Variants in ELP3 observed in about 807,000 individuals in gnomAD.
ELP3 encodes the protein elongator acetyltransferase complex subunit 3.
In ELP3, 56 loss-of-function variants were observed where a neutral mutation model predicts 74.9. That is an observed-to-expected ratio of 0.75 (90% CI 0.60 to 0.93). ELP3 has a LOEUF of 0.93. Among genes scored for constraint, ELP3 ranks in the 40% least tolerant of loss-of-function variants. The pLI is 0.00. For synonymous variants in ELP3, 222 were observed against 239.8 expected, an observed-to-expected ratio of 0.93 and a Z score of 0.68; for missense variants, 573 against 686.5, an observed-to-expected ratio of 0.83 and a Z score of 1.85.
chr8:28,172,285 A>G lies in ELP3; in HGVS notation c.1567+10207A>G, dbSNP rs1162569489. Among the ~76,000 whole-genome samples the G allele has an allele frequency of 3.9e-5, 6 of 152,112 alleles. 1 individual carries two copies. The highest frequency in any genetic ancestry group is 3.3e-4 in the Admixed American group (5 of 15,270). On this transcript the variant is annotated intron_variant, in intron 14 of 14. Transcript: ENST00000256398. Reference sequence around the variant, plus strand: ...GTTAAGTCTTCCAGGCCATGAACACAGGATATCCTTCCATTTATTTAGTCT... The same window carrying G: ...GTTAAGTCTTCCAGGCCATGAACACGGGATATCCTTCCATTTATTTAGTCT...
chr8:28,158,372 A>G (rs1813924464), intron 11 of ELP3, among the ~76,000 whole-genome samples, 196 bp from the exon 12 acceptor site: 1 of 152,170 alleles, frequency 6.6e-6, no homozygotes, highest in South Asian at 2.1e-4. Flanking sequence ...TGGTTTCCCC[A>G]TCCTCAGATT....
intron 7 of ELP3, among the ~76,000 whole-genome samples, chr8:28,118,229 AAT>A: frequency 6.6e-6 from 1 of 152,150 alleles, no homozygotes. Context: ...ATTTAAGGTT[AAT>A]AGTCTGTTCA....
At chr8:28,104,195 T>C (rs1811598411) in intron 3 of ELP3, among the ~76,000 whole-genome samples, 1 of 152,248 alleles carries the variant, frequency 6.6e-6, no homozygotes, top group Admixed American at 6.5e-5. Flanking sequence ...CTGTTCTTAA[T>C]TGGGTGTTTT....
At chr8:28,137,669 A>G in intron 9 of ELP3, 29 bp from the exon 10 acceptor site, 3 of 1,603,818 alleles carry the variant, frequency 1.9e-6, no homozygotes, top group Non-Finnish European at 2.6e-6. Flanking sequence ...TAACTAATGG[A>G]GAAGTCATTT....
chr8:28,121,971 T>G (rs1812391510), intron 7 of ELP3, among the ~76,000 whole-genome samples: 11 of 152,148 alleles, frequency 7.2e-5, no homozygotes, highest in Admixed American at 7.2e-4. Context: ...TGCCTGTGGG[T>G]TTTTTATAGT....
At chr8:28,173,553 A>ATT (rs144556242) in intron 14 of ELP3, among the ~76,000 whole-genome samples, 23 of 146,154 alleles carry the variant, frequency 1.6e-4, no homozygotes, top group Admixed American at 6.7e-4. Flanking sequence ...TTTGATTTTG[A>ATT]TTTTTTTTTT....
intron 9 of ELP3, among the ~76,000 whole-genome samples, chr8:28,136,606 A>G (rs752592952): frequency 4.6e-5 from 7 of 152,246 alleles, no homozygotes; most frequent in Non-Finnish European, 1.0e-4. Flanking sequence ...TAAAGAATAC[A>G]GCATTTAAGA....
intron 3 of ELP3, among the ~76,000 whole-genome samples, chr8:28,105,585 G>A (rs957145536): frequency 5.3e-5 from 8 of 152,156 alleles, no homozygotes; most frequent in Non-Finnish European, 7.3e-5. Flanking sequence ...TGGACCAAGC[G>A]AGGACATATA....
chr8:28,149,395 T>G (rs1813557467), intron 10 of ELP3, among the ~76,000 whole-genome samples: 1 of 152,242 alleles, frequency 6.6e-6, no homozygotes, highest in African/African-American at 2.4e-5. Context: ...TTTCTTCTTG[T>G]GAGTTTTGGC....
intron 7 of ELP3, among the ~76,000 whole-genome samples, chr8:28,127,232 T>A (rs1812611575): frequency 6.6e-6 from 1 of 152,146 alleles, no homozygotes; most frequent in African/African-American, 2.4e-5. Context: ...CCTTTGACAC[T>A]CTGCAATAGG....
Position 28,145,409 on chromosome 8 carries a change from A to C in ELP3, c.1100+7518A>C, listed in dbSNP as rs184197134. Among the ~76,000 whole-genome samples, 11 of 152,360 alleles carry C rather than the reference A, an allele frequency of 7.2e-5. No homozygotes were observed. In the East Asian group the frequency reaches 2.1e-3, roughly 29 times the overall value. On this transcript the variant is annotated intron_variant, in intron 10 of 14. Transcript: ENST00000256398. ...CAAAGGAGAAAAGTCTCCTTCCAGG[A>C]TATTTAGTCCAGATGATTTTTAATA... is the stretch of plus-strand genomic sequence containing the variant.
intron 3 of ELP3, 129 bp downstream of exon 3, chr8:28,100,095 G>A: frequency 1.7e-6 from 2 of 1,178,080 alleles, no homozygotes; most frequent in Non-Finnish European, 2.4e-6. Flanking sequence ...CCTGTATTAG[G>A]ATATGTGCTG....
intron 14 of ELP3, among the ~76,000 whole-genome samples, chr8:28,177,923 C>T (rs559316218): frequency 2.0e-5 from 3 of 152,330 alleles, no homozygotes; most frequent in South Asian, 4.1e-4. Context: ...AATAATTCCA[C>T]GTTCATTCTT....
At chr8:28,124,409 G>A (rs1215676306) in intron 7 of ELP3, among the ~76,000 whole-genome samples, 4 of 152,018 alleles carry the variant, frequency 2.6e-5, no homozygotes, top group Admixed American at 1.3e-4. Flanking sequence ...GGAGGTTTAG[G>A]ACTATATTAT....
At chr8:28,119,861 A>G (rs1334819824) in intron 7 of ELP3, among the ~76,000 whole-genome samples, 2 of 151,810 alleles carry the variant, frequency 1.3e-5, no homozygotes, top group Non-Finnish European at 2.9e-5. Flanking sequence ...ACCATATAGC[A>G]TACACTTGTA....
intron 14 of ELP3, among the ~76,000 whole-genome samples, chr8:28,182,168 A>G (rs1815038495): frequency 1.3e-5 from 2 of 151,674 alleles, no homozygotes; most frequent in African/African-American, 4.9e-5. Context: ...GTTGGTTTTC[A>G]GTGAACTCAG....
In ELP3 at chr8:28,137,757, G is replaced by T; in HGVS notation, c.966G>T (p.Val322=). Residue 322 remains valine (V), a synonymous_variant, in exon 10 of 15, where the codon GTG becomes GTT. Coordinates refer to ENST00000256398, the MANE Select transcript of ELP3 (RefSeq NM_018091.6). The stretch of plus-strand genomic sequence containing the variant: ...GGCTGAAACTCTATCCTACCCTGGT[G>T]ATTCGTGGGACCGGGCTTTATGAGC... ...PDGLKLYPTL[V]IRGTGLYELW... The T allele has an allele frequency of 1.2e-6, 2 of 1,614,138 alleles. 1 individual carries two copies. Among genetic ancestry groups the T allele is most frequent in the South Asian group, 2.2e-5 (2 of 91,064 alleles).
At chr8:28,112,206 A>G (rs1253603690) in intron 6 of ELP3, among the ~76,000 whole-genome samples, 1 of 151,860 alleles carries the variant, frequency 6.6e-6, no homozygotes, top group East Asian at 1.9e-4. Flanking sequence ...GTGCAGTGGC[A>G]CAATCTTGGG....
At chr8:28,158,499 T>C (rs1355706554) in intron 11 of ELP3, 69 bp from the exon 12 acceptor site, 2 of 1,049,074 alleles carry the variant, frequency 1.9e-6, no homozygotes, top group African/African-American at 1.6e-5. Context: ...AAAGATTGAA[T>C]TGGTTACCAG....
Sources: gnomAD v4.1 joint callset for allele counts (sites outside exome capture counted in the v4.1 genomes callset) on GRCh38, gnomAD v4.1.1 for gene constraint, MANE v1.5 for transcripts, NCBI Gene and HGNC (gene_info 2026-07-23, HGNC 2026-07-21) for gene names.